Variants in ZNF454 observed in about 807,000 individuals in gnomAD.
ZNF454 encodes zinc finger protein 454.
In ZNF454, 30 loss-of-function variants were observed where a neutral mutation model predicts 48.2. The ratio of observed to expected loss-of-function variants is 0.62; its 90% confidence interval spans 0.47 to 0.84. ZNF454 has a LOEUF of 0.84. ZNF454 is among the 40% of genes least tolerant of loss of function. ZNF454 has a pLI of 0.00. For synonymous variants in ZNF454, 204 were observed against 211.4 expected (o/e 0.97, Z 0.30); for missense variants, 510 against 623.1 (o/e 0.82, Z 1.93).
the ZNF454 span, among the ~76,000 whole-genome samples, chr5:178,973,112 G>A: frequency 7.3e-6 from 1 of 137,364 alleles, no homozygotes; most frequent in African/African-American, 2.8e-5. Context: ...CCTTCCTTTT[G>A]CTGTCTCTCT....
chr5:178,950,684 T>A (rs1472867626), intron 4 of ZNF454, among the ~76,000 whole-genome samples: 1 of 152,192 alleles, frequency 6.6e-6, no homozygotes, highest in Non-Finnish European at 1.5e-5. Flanking sequence ...TTTTGCTACA[T>A]CGATTGTACA....
At chr5:178,986,714 G>A in the ZNF454 span, 4 of 1,604,874 alleles carry the variant, frequency 2.5e-6, no homozygotes, top group South Asian at 4.4e-5. Flanking sequence ...AGAGACGAGG[G>A]CACCTCGTGG....
chr5:178,946,888 T>C lies in ZNF454; in HGVS notation c.161-9T>C, dbSNP rs1425313540. On this transcript the variant is annotated splice_polypyrimidine_tract_variant and intron_variant, in intron 3 of 4. Transcript: ENST00000519564. This position sits in a 1 kb window ranked among gnomAD's most constrained non-coding sequence, Gnocchi z 4.5. The stretch of plus-strand genomic sequence containing the variant: ...GATGTGGTTCATTTTTGTCTCCCCT[T>C]AAAAACAGGACTCTTAGGACCCAAA... 1 of 1,612,602 alleles carries C rather than the reference T, an allele frequency of 6.2e-7. No individual in the cohort carries two copies. Among genetic ancestry groups the C allele is most frequent in the Non-Finnish European group, 8.5e-7 (1 of 1,179,288 alleles).
intron 2 of ZNF454, among the ~76,000 whole-genome samples, chr5:178,943,899 C>T (rs370963668): frequency 3.9e-5 from 6 of 152,110 alleles, no homozygotes; most frequent in South Asian, 2.1e-4. Flanking sequence ...TGGTGGTGGG[C>T]GCCTGTAGTC....
At chr5:178,949,120 G>A (rs1278984687) in intron 4 of ZNF454, among the ~76,000 whole-genome samples, 4 of 152,030 alleles carry the variant, frequency 2.6e-5, no homozygotes, top group African/African-American at 9.7e-5. Flanking sequence ...TGCAGTCTCG[G>A]CTAACTGCAA....
At chr5:178,969,924 C>T (rs1488580676), downstream of ZNF454, among the ~76,000 whole-genome samples, 1 of 152,196 alleles carries the variant, frequency 6.6e-6, no homozygotes, top group Non-Finnish European at 1.5e-5. Flanking sequence ...CCGTCTCCTG[C>T]CGGGTGCCCC....
Position 178,964,858 on chromosome 5 carries a change from T to C in ZNF454, c.454T>C (p.Cys152Arg), listed in dbSNP as rs143152818. 768 of 1,614,168 alleles carry C rather than the reference T, an allele frequency of 4.8e-4. 3 individuals are homozygous for C. The African/African-American group carries it at 9.0e-3, about 19-fold the overall frequency. The change falls in exon 5 of 5, where the codon TGT (cysteine) becomes CGT (arginine). Residue 152 changes from cysteine to arginine, a missense_variant. Cys to Arg is a radical substitution (Grantham distance 180). This residue lies in a region of ZNF454 where 354 missense variants were observed against 408.9 expected (regional missense o/e 0.87). Transcript: ENST00000519564. ...TCACCCCAACACCCCATCACAGGAA[T>C]GTGATGAATCCGGGAGCACTATGAG... ...LTHPNTPSQE[C>R]DESGSTMSSS...
chr5:178,958,808 T>C (rs191256251), intron 4 of ZNF454, among the ~76,000 whole-genome samples: 2 of 152,316 alleles, frequency 1.3e-5, no homozygotes, highest in East Asian at 3.9e-4. Flanking sequence ...TTCTTACTTT[T>C]AGAATTTCAA....
chr5:178,945,946 G>A (rs1344654514), intron 2 of ZNF454, among the ~76,000 whole-genome samples: 1 of 152,100 alleles, frequency 6.6e-6, no homozygotes, highest in East Asian at 1.9e-4. Context: ...ATAGGCAACT[G>A]TAGGAGCCAT....
chr5:178,976,729 A>G, the ZNF454 span, among the ~76,000 whole-genome samples: 1 of 152,206 alleles, frequency 6.6e-6, no homozygotes, highest in African/African-American at 2.4e-5. Context: ...CTTAACCATG[A>G]CACAGTGCAA....
At chr5:178,970,005 C>T (rs567138029), downstream of ZNF454, among the ~76,000 whole-genome samples, 13 of 152,266 alleles carry the variant, frequency 8.5e-5, no homozygotes, top group African/African-American at 2.4e-4. Flanking sequence ...GCTTTGACAG[C>T]GCCCTCTCTA....
Position 178,965,492 on chromosome 5 carries a change from A to G in ZNF454, c.1088A>G (p.Lys363Arg). 1.2e-6 allele frequency: 2 copies of G among 1,614,202 alleles called. No homozygotes were observed. Among genetic ancestry groups the G allele is most frequent in the Non-Finnish European group, 1.7e-6 (2 of 1,180,028 alleles). ...EKPFECNECGKAFRVNSSLTE... is the reference protein window; with the variant it reads ...EKPFECNECGRAFRVNSSLTE... ...CCCTTTGAATGTAATGAATGTGGGA[A>G]GGCCTTCAGGGTGAACTCTTCCCTT... The change falls in exon 5 of 5, where the codon AAG (lysine) becomes AGG (arginine). Residue 363 changes from lysine to arginine, a missense_variant. Physicochemically the swap from Lys to Arg is conservative, Grantham distance 26 (BLOSUM62 2). Transcript: ENST00000519564. This position sits in a 1 kb window ranked among gnomAD's most constrained non-coding sequence, Gnocchi z 5.2.
chr5:178,971,918 G>A, the ZNF454 span, among the ~76,000 whole-genome samples: 1 of 152,008 alleles, frequency 6.6e-6, no homozygotes, highest in Admixed American at 6.6e-5. Context: ...CAGCCAAAAG[G>A]TTTGTTTTTT....
intron 2 of ZNF454, among the ~76,000 whole-genome samples, chr5:178,943,316 G>A (rs558821339): frequency 2.6e-5 from 4 of 152,200 alleles, no homozygotes; most frequent in East Asian, 1.9e-4. Flanking sequence ...TGTATCACAC[G>A]GTGAGAAAGG....
At chr5:178,942,957 C>A in intron 2 of ZNF454, 133 bp downstream of exon 2, 2 of 896,610 alleles carry the variant, frequency 2.2e-6, no homozygotes, top group Non-Finnish European at 3.4e-6. Flanking sequence ...TCTCCCCAAC[C>A]AACACCCTCC....
At chr5:178,983,370 C>T in the ZNF454 span, 1 of 761,034 alleles carries the variant, frequency 1.3e-6, no homozygotes, top group Non-Finnish European at 2.3e-6. Flanking sequence ...CTCAGGAGCA[C>T]TCAGTGGAGA....
At chr5:178,954,907 G>C (rs1487775380) in intron 4 of ZNF454, among the ~76,000 whole-genome samples, 1 of 152,206 alleles carries the variant, frequency 6.6e-6, no homozygotes, top group Non-Finnish European at 1.5e-5. Context: ...CCATTGCTGA[G>C]TAGCCTCCCA....
At chr5:178,973,842 C>CA in the ZNF454 span, among the ~76,000 whole-genome samples, 772 of 101,840 alleles carry the variant, frequency 7.6e-3, 12 homozygotes, top group African/African-American at 0.029. Context: ...GACTTCATCT[C>CA]AAAAAAAAAA....
chr5:178,953,121 T>A (rs898317561), intron 4 of ZNF454, among the ~76,000 whole-genome samples: 1 of 134,912 alleles, frequency 7.4e-6, no homozygotes, highest in African/African-American at 2.7e-5. Context: ...TGCTACCTCT[T>A]GACTTTTCAG....
Sources: allele counts gnomAD v4.1 joint callset (sites outside exome capture counted in the v4.1 genomes callset), GRCh38; gene constraint gnomAD v4.1.1; regional missense constraint gnomAD v4.1.1; non-coding constraint Gnocchi (gnomAD v3.1); transcripts MANE v1.5; gene names NCBI Gene and HGNC (gene_info 2026-07-23, HGNC 2026-07-21).